The following ATP13A5 variants were observed in gnomAD, a reference collection of about 807,000 sequenced individuals.
ATP13A5 encodes the protein ATPase 13A5.
ATP13A5 carries 149 observed loss-of-function variants against 150.2 expected under a neutral mutation model. The observed-to-expected ratio is 0.99, with a 90% CI of 0.87 to 1.14. ATP13A5 has a LOEUF of 1.14. Among genes scored for constraint, ATP13A5 ranks in the 50% most tolerant of loss-of-function variants. The probability of loss-of-function intolerance (pLI) is 0.00; values close to 1 mark genes in which losing one functional copy is unlikely to be tolerated. For synonymous variants in ATP13A5, 497 were observed against 522.2 expected, an observed-to-expected ratio of 0.95 and a Z score of 0.66; for missense variants, 1,383 against 1,449.3, an observed-to-expected ratio of 0.95 and a Z score of 0.74.
At chr3:193,321,580 G>C in intron 16 of ATP13A5, 101 bp downstream of exon 16, 1 of 1,322,020 alleles carries the variant, frequency 7.6e-7, no homozygotes, top group Non-Finnish European at 1.0e-6. Flanking sequence ...ACAGTGAGCT[G>C]AGATCGTGCC....
rs1396992691 is a variant in ATP13A5 at position 193,285,025 on chromosome 3, T to C, written c.3115A>G (p.Ile1039Val). 6.2e-7 allele frequency: 1 copy of C among 1,614,130 alleles called. No homozygotes were observed. ...TGNATLIPGS[I>V]LSFETTTLWP... ...AGTGTGGTGGTCTCAAAACTTAAAATTGAACCAGGAATCAGAGTTGCATTT... is the reference window on the plus strand; with the variant it reads ...AGTGTGGTGGTCTCAAAACTTAAAACTGAACCAGGAATCAGAGTTGCATTT... The change falls in exon 27 of 30, where the codon ATT (isoleucine) becomes GTT (valine). Residue 1039 changes from isoleucine (I) to valine (V), a missense_variant. By Grantham distance (29) the Ile-to-Val change is conservative. Coordinates refer to ENST00000342358, the MANE Select transcript of ATP13A5 (RefSeq NM_198505.4).
intron 7 of ATP13A5, among the ~76,000 whole-genome samples, chr3:193,345,548 G>A (rs775366720): frequency 5.3e-5 from 8 of 152,120 alleles, no homozygotes; most frequent in Non-Finnish European, 8.8e-5. Context: ...AGAAACAGCT[G>A]GATTGGTTAC....
intron 1 of ATP13A5, among the ~76,000 whole-genome samples, chr3:193,375,196 A>G (rs1370734967): frequency 1.3e-5 from 2 of 152,168 alleles, no homozygotes; most frequent in African/African-American, 4.8e-5. Flanking sequence ...AACTTCTTAT[A>G]TAATACCTAC....
chr3:193,327,289 A>G (rs1321421930), intron 12 of ATP13A5, among the ~76,000 whole-genome samples: 1 of 152,198 alleles, frequency 6.6e-6, no homozygotes, highest in African/African-American at 2.4e-5. Flanking sequence ...GTTACTAATG[A>G]TGAGGAAAAA....
intron 17 of ATP13A5, among the ~76,000 whole-genome samples, chr3:193,318,295 A>T (rs536665923): frequency 6.6e-6 from 1 of 152,348 alleles, no homozygotes; most frequent in East Asian, 1.9e-4. Context: ...CACAAATCCA[A>T]TGTAAGAAAT....
chr3:193,325,107 C>T (rs963908286), intron 13 of ATP13A5, 93 bp from the exon 14 acceptor site: 12 of 1,286,166 alleles, frequency 9.3e-6, no homozygotes, highest in African/African-American at 3.0e-5. Flanking sequence ...AAACACCTAA[C>T]GTTCATGCTC....
intron 12 of ATP13A5, among the ~76,000 whole-genome samples, chr3:193,330,897 T>A (rs138292187): frequency 8.5e-5 from 13 of 152,302 alleles, no homozygotes; most frequent in African/African-American, 2.6e-4. Flanking sequence ...TTATTAAGTT[T>A]CACAGATAAA....
intron 25 of ATP13A5, among the ~76,000 whole-genome samples, chr3:193,296,513 C>T (rs895839741): frequency 3.3e-5 from 5 of 152,048 alleles, no homozygotes; most frequent in African/African-American, 1.2e-4. Flanking sequence ...GGTCTTATTT[C>T]TGAGTTCTCT....
At chr3:193,346,772 A>C (rs1712355613) in intron 7 of ATP13A5, among the ~76,000 whole-genome samples, 1 of 152,146 alleles carries the variant, frequency 6.6e-6, no homozygotes, top group African/African-American at 2.4e-5. Flanking sequence ...TCAGTTTTGC[A>C]TGGAAAGTTA....
chr3:193,320,893 A>G (rs948127086), intron 16 of ATP13A5, among the ~76,000 whole-genome samples: 1 of 152,202 alleles, frequency 6.6e-6, no homozygotes, highest in Non-Finnish European at 1.5e-5. Context: ...GAAAGATGAA[A>G]TTGCTGTGAA....
intron 9 of ATP13A5, among the ~76,000 whole-genome samples, chr3:193,338,520 T>A (rs570231702): frequency 1.8e-4 from 27 of 152,366 alleles, no homozygotes; most frequent in African/African-American, 6.5e-4. Flanking sequence ...GTTCTGTTTA[T>A]ATGCTGGATT....
intron 14 of ATP13A5, chr3:193,323,139 G>T (rs988043392): frequency 6.6e-6 from 1 of 152,540 alleles, no homozygotes; most frequent in Non-Finnish European, 1.5e-5. Context: ...ATATGGGAAA[G>T]ACAGTCATAT....
chr3:193,277,879 G>GAA (rs1309913989), intron 28 of ATP13A5: 1 of 152,208 alleles, frequency 6.6e-6, no homozygotes, highest in Non-Finnish European at 1.5e-5. Flanking sequence ...AGGCTGGAGT[G>GAA]CAGTGGCACA....
At chr3:193,320,297 T>C (rs118078474) in intron 16 of ATP13A5, among the ~76,000 whole-genome samples, 1 of 152,232 alleles carries the variant, frequency 6.6e-6, no homozygotes, top group South Asian at 2.1e-4. Context: ...AAAATATTCC[T>C]GGAGGTGGGA....
At chr3:193,290,818 T>C (rs1318967711) in intron 25 of ATP13A5, among the ~76,000 whole-genome samples, 1 of 152,138 alleles carries the variant, frequency 6.6e-6, no homozygotes, top group African/African-American at 2.4e-5. Context: ...TATATGAACA[T>C]GCTGATGAAA....
Position 193,276,838 on chromosome 3 carries a change from AAAAC to A in ATP13A5, c.3316-12_3316-9del, listed in dbSNP as rs777701836. 3.7e-6 allele frequency: 6 copies of A among 1,603,974 alleles called. No individual in the cohort carries two copies. Among genetic ancestry groups the A allele is most frequent in the South Asian group, 3.3e-5 (3 of 90,224 alleles). On this transcript the variant is annotated splice_polypyrimidine_tract_variant and intron_variant, in intron 28 of 29. Transcript: ENST00000342358. ...TGTTATGGTTGGGATCAACTGTTGA[AAAAC>A]AAATACCATTATTATATTTTGCACA...
chr3:193,307,146 G>T, intron 22 of ATP13A5, 181 bp downstream of exon 22: 1 of 1,434,184 alleles, frequency 7.0e-7, no homozygotes, highest in Non-Finnish European at 9.1e-7. Context: ...CATCGGAAGT[G>T]TCTCATCTCC....
At chr3:193,361,364 T>C (rs1713000486) in intron 5 of ATP13A5, among the ~76,000 whole-genome samples, 1 of 152,186 alleles carries the variant, frequency 6.6e-6, no homozygotes, top group Non-Finnish European at 1.5e-5. Context: ...TCAGTAACTC[T>C]TAGACTTGGT....
At chr3:193,334,041 G>T in intron 10 of ATP13A5, 134 bp from the exon 11 acceptor site, 1 of 804,800 alleles carries the variant, frequency 1.2e-6, no homozygotes, top group African/African-American at 1.7e-5. Flanking sequence ...TAAGTTTTCA[G>T]GTGGTTTTCA....
Sources: allele counts gnomAD v4.1 joint callset (sites outside exome capture counted in the v4.1 genomes callset), GRCh38; gene constraint gnomAD v4.1.1; transcripts MANE v1.5; gene names NCBI Gene and HGNC (gene_info 2026-07-23, HGNC 2026-07-21).